NLGN1: variants seen among roughly 807,000 people sequenced by gnomAD.
NLGN1 encodes neuroligin 1, also known as neuroligin-1.
Under a neutral mutation model 65.5 loss-of-function variants are expected in NLGN1, and 12 were observed. The ratio of observed to expected loss-of-function variants is 0.18; its 90% CI spans 0.12 to 0.30. NLGN1 has a LOEUF of 0.30. Among genes scored for constraint, NLGN1 ranks in the 10% least tolerant of loss-of-function variants. The pLI is 1.00. For synonymous variants in NLGN1, 350 were observed against 359.5 expected (o/e 0.97, Z 0.30); for missense variants, 750 against 1,007.1 (o/e 0.74, Z 3.46).
chr3:174,058,083 C>A (rs1560940947), intron 4 of NLGN1, among the ~76,000 whole-genome samples: 1 of 152,022 alleles, frequency 6.6e-6, no homozygotes, highest in Non-Finnish European at 1.5e-5. Flanking sequence ...ATTCAGATGG[C>A]AAGTGGTAAC....
chr3:173,791,492 T>A (rs1215468932), intron 3 of NLGN1, among the ~76,000 whole-genome samples: 3 of 151,720 alleles, frequency 2.0e-5, no homozygotes, highest in Non-Finnish European at 2.9e-5. Context: ...TCCTTCCAAA[T>A]CCATTGGCTT....
rs533449363 is a variant in NLGN1 at position 174,143,469 on chromosome 3, G to A, written c.647-131846G>A. Among the ~76,000 whole-genome samples, 17 of 152,188 alleles carry A rather than the reference G, an allele frequency of 1.1e-4. No homozygotes were observed. The East Asian group carries it at 1.5e-3, about 14-fold the overall frequency. On this transcript the variant is annotated intron_variant, in intron 4 of 6. Coordinates refer to ENST00000457714, the Ensembl canonical transcript of NLGN1. ...CATATCTGGTCTCCCTCAAGATGTC[G>A]CCTTTCATAATCTCTGTATTCCAAG...
At chr3:174,164,080 G>A (rs1309421019) in intron 4 of NLGN1, among the ~76,000 whole-genome samples, 3 of 151,938 alleles carry the variant, frequency 2.0e-5, no homozygotes, top group Admixed American at 6.6e-5. Flanking sequence ...TTTCTCCACA[G>A]CCTCATCAGC....
intron 4 of NLGN1, among the ~76,000 whole-genome samples, chr3:173,820,430 A>G (rs1462530958): frequency 6.6e-6 from 1 of 152,148 alleles, no homozygotes; most frequent in East Asian, 1.9e-4. Flanking sequence ...ATAAACATGA[A>G]AATAGTGTTG....
At position 173,470,679 on chromosome 3, in the gene NLGN1, T is replaced by C. The variant is rs148653189; in HGVS notation, c.-321+35601T>C. ...GAACATTTCCAAGTGTCTAAAACAG[T>C]CTTTGGTAGATAGAAAGCACTCAAT... On this transcript the variant is annotated intron_variant, in intron 2 of 6. Transcript: ENST00000457714. Among the ~76,000 whole-genome samples, 46 of 152,236 alleles carry C rather than the reference T, an allele frequency of 3.0e-4. No individual in the cohort carries two copies. The East Asian group carries it at 8.3e-3, about 27-fold the overall frequency.
chr3:173,542,870 A>T (rs1739127581), intron 2 of NLGN1, among the ~76,000 whole-genome samples: 1 of 152,098 alleles, frequency 6.6e-6, no homozygotes, highest in South Asian at 2.1e-4. Flanking sequence ...CTCAGTAACT[A>T]TAGAACGTAT....
chr3:174,070,622 G>A (rs532341775), intron 4 of NLGN1, among the ~76,000 whole-genome samples: 4 of 152,174 alleles, frequency 2.6e-5, no homozygotes, highest in South Asian at 2.1e-4. Flanking sequence ...GAGCCACCGC[G>A]CCCGGCCTTA....
intron 3 of NLGN1, among the ~76,000 whole-genome samples, chr3:173,701,833 TAGAG>T (rs1331046081): frequency 1.3e-5 from 2 of 152,178 alleles, no homozygotes; most frequent in East Asian, 3.9e-4. Context: ...TAGTTAGTGA[TAGAG>T]ATGAGATGAA....
At chr3:173,743,855 A>G (rs536869283) in intron 3 of NLGN1, among the ~76,000 whole-genome samples, 25 of 152,246 alleles carry the variant, frequency 1.6e-4, no homozygotes, top group African/African-American at 6.0e-4. Flanking sequence ...AGAGACAGAC[A>G]CTTGGATTTC....
chr3:174,234,306 G>A (rs562926682), intron 4 of NLGN1, among the ~76,000 whole-genome samples: 12 of 152,254 alleles, frequency 7.9e-5, no homozygotes, highest in Admixed American at 2.6e-4. Context: ...GGGGTTTTAC[G>A]TGTCGGCATG....
At chr3:173,779,002 A>G (rs1000195661) in intron 3 of NLGN1, among the ~76,000 whole-genome samples, 2 of 151,524 alleles carry the variant, frequency 1.3e-5, no homozygotes, top group Non-Finnish European at 1.5e-5. Context: ...AGTGATACAG[A>G]ACCATATTTA....
intron 4 of NLGN1, among the ~76,000 whole-genome samples, chr3:173,906,480 C>G (rs1279634680): frequency 6.6e-6 from 1 of 152,164 alleles, no homozygotes; most frequent in Non-Finnish European, 1.5e-5. Flanking sequence ...GATATCACCC[C>G]TGCCCTGAAA....
intron 4 of NLGN1, among the ~76,000 whole-genome samples, chr3:174,129,267 A>G (rs867141966): frequency 2.0e-5 from 3 of 151,790 alleles, no homozygotes; most frequent in Middle Eastern, 3.2e-3. Context: ...AAAGAGGTAA[A>G]AATCTCGTTT....
At chr3:173,993,162 G>A (rs1351819665) in intron 4 of NLGN1, among the ~76,000 whole-genome samples, 1 of 151,984 alleles carries the variant, frequency 6.6e-6, no homozygotes, top group Non-Finnish European at 1.5e-5. Context: ...CGTTATGCGT[G>A]GTCTATACAC....
chr3:174,023,334 A>G (rs1728153373), intron 4 of NLGN1, among the ~76,000 whole-genome samples: 1 of 152,198 alleles, frequency 6.6e-6, no homozygotes, highest in African/African-American at 2.4e-5. Context: ...TAGGATCTGC[A>G]GGAGCTGGGG....
chr3:173,447,092 A>T (rs13062188), intron 2 of NLGN1, among the ~76,000 whole-genome samples: 3 of 152,096 alleles, frequency 2.0e-5, no homozygotes, highest in South Asian at 2.1e-4. Flanking sequence ...GTCAATTTTG[A>T]CTTTTGTTGC....
chr3:173,850,609 C>T (rs1229450198), intron 4 of NLGN1, among the ~76,000 whole-genome samples: 1 of 152,034 alleles, frequency 6.6e-6, no homozygotes. Flanking sequence ...CTATCCTTTT[C>T]GTTGAAACAA....
chr3:173,620,807 C>G (rs1436047127), intron 3 of NLGN1, among the ~76,000 whole-genome samples: 3 of 151,922 alleles, frequency 2.0e-5, no homozygotes, highest in African/African-American at 7.3e-5. Flanking sequence ...TTGGGGTAAG[C>G]TCAAAATTGA....
intron 4 of NLGN1, among the ~76,000 whole-genome samples, chr3:174,151,820 G>A (rs1016486257): frequency 3.3e-5 from 5 of 152,114 alleles, no homozygotes; most frequent in Admixed American, 6.6e-5. Context: ...CTTCGAAAGA[G>A]TTCCTCTTTT....
Sources: gnomAD v4.1 joint callset for allele counts (sites outside exome capture counted in the v4.1 genomes callset) on GRCh38, gnomAD v4.1.1 for gene constraint, MANE v1.5 for transcripts, NCBI Gene and HGNC (gene_info 2026-07-23, HGNC 2026-07-21) for gene names.